PLPPR1: variants seen among roughly 807,000 people sequenced by gnomAD.
PLPPR1 encodes the protein phospholipid phosphatase-related protein type 1.
Under a neutral mutation model 33.1 loss-of-function variants are expected in PLPPR1, and 10 were observed. That is an observed-to-expected ratio of 0.30 (90% CI 0.19 to 0.51). The LOEUF is 0.51. Ranked by LOEUF, PLPPR1 falls within the 20% of genes least tolerant of loss-of-function variation. PLPPR1 has a pLI of 0.97. For missense variants in PLPPR1, 304 were observed against 408.1 expected, an observed-to-expected ratio of 0.74 and a Z score of 2.20; for synonymous variants, 151 against 151.0, an observed-to-expected ratio of 1.00 and a Z score of 0.00.
intron 2 of PLPPR1, among the ~76,000 whole-genome samples, chr9:101,223,011 G>A (rs1227378391): frequency 3.3e-5 from 5 of 151,812 alleles, no homozygotes; most frequent in Admixed American, 1.3e-4. Context: ...ATGAAGAAAC[G>A]CATTTAAGAA....
At chr9:101,101,616 A>T (rs79720363) in intron 1 of PLPPR1, among the ~76,000 whole-genome samples, 2,683 of 152,240 alleles carry the variant, frequency 0.018, 48 homozygotes, top group African/African-American at 0.045. Context: ...ATGGTCATCC[A>T]CTTGAATAAA....
At chr9:101,072,016 C>T (rs368057892) in intron 1 of PLPPR1, among the ~76,000 whole-genome samples, 116 of 152,154 alleles carry the variant, frequency 7.6e-4, no homozygotes, top group African/African-American at 2.7e-3. Context: ...ATAGTTGGAA[C>T]GTGGTGTTTG....
chr9:101,281,235 A>C (rs1308804472), intron 3 of PLPPR1, among the ~76,000 whole-genome samples: 2 of 152,108 alleles, frequency 1.3e-5, no homozygotes, highest in South Asian at 2.1e-4. Flanking sequence ...CTCTACAATG[A>C]AACTATAAAA....
chr9:101,183,555 T>C (rs1353770721), intron 1 of PLPPR1, among the ~76,000 whole-genome samples: 1 of 151,608 alleles, frequency 6.6e-6, no homozygotes, highest in Admixed American at 6.6e-5. Context: ...CTTTTAGGGG[T>C]GATTAAAAAG....
At chr9:101,247,189 C>T (rs1318264056) in intron 2 of PLPPR1, among the ~76,000 whole-genome samples, 3 of 151,992 alleles carry the variant, frequency 2.0e-5, no homozygotes, top group African/African-American at 4.8e-5. Context: ...CTTCCTGAAG[C>T]CATGAGCAGC....
At chr9:101,256,271 G>A (rs1293925744) in intron 2 of PLPPR1, among the ~76,000 whole-genome samples, 1 of 152,136 alleles carries the variant, frequency 6.6e-6, no homozygotes, top group African/African-American at 2.4e-5. Context: ...AAACTCAAGA[G>A]TTTAATTTTT....
intron 1 of PLPPR1, among the ~76,000 whole-genome samples, chr9:101,095,426 T>C (rs1830805061): frequency 6.6e-6 from 1 of 152,210 alleles, no homozygotes; most frequent in Non-Finnish European, 1.5e-5. Flanking sequence ...TGTGATGGGC[T>C]TGTTTGCCTG....
chr9:101,125,697 AG>A, intron 1 of PLPPR1: 1 of 625,696 alleles, frequency 1.6e-6, no homozygotes, highest in South Asian at 1.9e-5. Context: ...GTAACATTAC[AG>A]GCCCCATAAA....
intron 2 of PLPPR1, among the ~76,000 whole-genome samples, chr9:101,248,057 C>T (rs1827646705): frequency 6.6e-6 from 1 of 151,978 alleles, no homozygotes; most frequent in Admixed American, 6.6e-5. Flanking sequence ...CTTCTGGAGA[C>T]AGTAGAGGGT....
chr9:101,218,898 G>A (rs1397264994), intron 2 of PLPPR1, among the ~76,000 whole-genome samples: 1 of 152,180 alleles, frequency 6.6e-6, no homozygotes, highest in Non-Finnish European at 1.5e-5. Flanking sequence ...GAAAGTCACA[G>A]AGACAATTAA....
At chr9:101,279,788 A>G (rs1219071051) in intron 3 of PLPPR1, among the ~76,000 whole-genome samples, 1 of 152,102 alleles carries the variant, frequency 6.6e-6, no homozygotes, top group Non-Finnish European at 1.5e-5. Context: ...CAACATACCA[A>G]AGTGGATGGA....
chr9:101,041,474 C>T (rs1483429378), intron 1 of PLPPR1, among the ~76,000 whole-genome samples: 4 of 152,296 alleles, frequency 2.6e-5, no homozygotes, highest in Admixed American at 6.5e-5. Context: ...CATATACCTT[C>T]TTATTTCTAT....
chr9:101,147,477 G>A (rs1831534680), intron 1 of PLPPR1, among the ~76,000 whole-genome samples: 1 of 152,140 alleles, frequency 6.6e-6, no homozygotes, highest in Admixed American at 6.6e-5. Flanking sequence ...TGGGGAAGGA[G>A]CAGAATAGCA....
intron 3 of PLPPR1, among the ~76,000 whole-genome samples, chr9:101,282,091 C>T (rs1452881756): frequency 6.6e-6 from 1 of 152,108 alleles, no homozygotes; most frequent in Non-Finnish European, 1.5e-5. Flanking sequence ...CAGCATTCCC[C>T]TAATACCAAA....
intron 1 of PLPPR1, among the ~76,000 whole-genome samples, chr9:101,122,259 A>C (rs1238211224): frequency 6.6e-6 from 1 of 152,228 alleles, no homozygotes; most frequent in African/African-American, 2.4e-5. Flanking sequence ...GTCATACATC[A>C]TAAAGATATA....
At chr9:101,043,538 CG>C (rs1251461005) in intron 1 of PLPPR1, among the ~76,000 whole-genome samples, 1 of 151,906 alleles carries the variant, frequency 6.6e-6, no homozygotes, top group Non-Finnish European at 1.5e-5. Context: ...TTTATCCACT[CG>C]TTGACTGATG....
intron 2 of PLPPR1, among the ~76,000 whole-genome samples, chr9:101,244,046 T>C (rs117523034): frequency 0.019 from 2,825 of 151,356 alleles, 34 homozygotes; most frequent in Middle Eastern, 0.088. Context: ...AAAAGGGAGG[T>C]TAGGGCAGAG....
intron 1 of PLPPR1, among the ~76,000 whole-genome samples, chr9:101,134,769 T>C (rs903688677): frequency 6.6e-6 from 1 of 152,136 alleles, no homozygotes; most frequent in Non-Finnish European, 1.5e-5. Flanking sequence ...AGAGATGGAT[T>C]CTACTTCTAG....
At chr9:101,292,961 C>T (rs1828543718) in intron 4 of PLPPR1, among the ~76,000 whole-genome samples, 1 of 151,850 alleles carries the variant, frequency 6.6e-6, no homozygotes, top group African/African-American at 2.4e-5. Context: ...ACAATATTAA[C>T]TTTAAATGTA....
Sources: gnomAD v4.1 joint callset for allele counts (sites outside exome capture counted in the v4.1 genomes callset) on GRCh38, gnomAD v4.1.1 for gene constraint, MANE v1.5 for transcripts, NCBI Gene and HGNC (gene_info 2026-07-23, HGNC 2026-07-21) for gene names.